Variants in ABCG1 observed in about 807,000 individuals in gnomAD.
ABCG1 encodes ATP binding cassette subfamily G member 1, also known as ATP-binding cassette sub-family G member 1.
Under a neutral mutation model 69.2 loss-of-function variants are expected in ABCG1, and 29 were observed. The ratio of observed to expected loss-of-function variants is 0.42; its 90% CI spans 0.31 to 0.57. The LOEUF is 0.57. ABCG1 is among the 20% of genes least tolerant of loss of function. ABCG1 has a pLI of 0.15. For synonymous variants in ABCG1, 370 were observed against 374.8 expected, an observed-to-expected ratio of 0.99 and a Z score of 0.15; for missense variants, 718 against 898.1, an observed-to-expected ratio of 0.80 and a Z score of 2.56.
upstream of ABCG1, chr21:42,218,997 G>C (rs2067675309): frequency 4.5e-6 from 1 of 224,642 alleles, no homozygotes; most frequent in Admixed American, 5.7e-5. Context: ...CTGCACTTCA[G>C]GGGTCCTGGT....
intron 2 of ABCG1, among the ~76,000 whole-genome samples, chr21:42,207,226 T>C (rs1447542448): frequency 1.3e-5 from 2 of 152,226 alleles, no homozygotes; most frequent in Admixed American, 1.3e-4. Context: ...TAGATCTGTA[T>C]ATACAGTCCT....
chr21:42,270,313 A>G (rs898456711), intron 2 of ABCG1, among the ~76,000 whole-genome samples: 2 of 150,694 alleles, frequency 1.3e-5, no homozygotes, highest in South Asian at 4.2e-4. Flanking sequence ...TTATCTATGC[A>G]TCCAGTTGCT....
At chr21:42,232,003 C>G (rs572596465) in intron 2 of ABCG1, among the ~76,000 whole-genome samples, 2 of 152,248 alleles carry the variant, frequency 1.3e-5, no homozygotes, top group Non-Finnish European at 2.9e-5. Context: ...ACTGGAGAAC[C>G]CTTCTCTTCC....
intron 2 of ABCG1, among the ~76,000 whole-genome samples, chr21:42,241,545 C>T (rs141370166): frequency 2.6e-5 from 4 of 151,020 alleles, no homozygotes; most frequent in East Asian, 3.9e-4. Context: ...GCAGAGGTTG[C>T]AGTGAGCTGA....
intron 1 of ABCG1, among the ~76,000 whole-genome samples, chr21:42,223,768 T>C (rs567149894): frequency 6.6e-6 from 1 of 152,270 alleles, no homozygotes; most frequent in South Asian, 2.1e-4. Context: ...AGTGAGCAGA[T>C]AGTGAGTCTA....
At position 42,271,098 on chromosome 21, in the gene ABCG1, C is replaced by A. The variant is rs191666990; in HGVS notation, c.315C>A (p.Ser105=). 6.4e-7 allele frequency: 1 copy of A among 1,560,948 alleles called. No homozygotes were observed. The highest frequency in any genetic ancestry group is 8.6e-7 in the Non-Finnish European group (1 of 1,157,806). The change falls in exon 3 of 15, where the codon TCC becomes TCA. Residue 105 remains serine (S), a synonymous_variant. Coordinates refer to ENST00000398449, the MANE Select transcript of ABCG1 (RefSeq NM_016818.3). ...ACAAGACCCTCCTGAAAGGAATTTC[C>A]GGGAAGTTCAATAGTGGTGAGTTGG... The part of the protein sequence containing the change: ...KGYKTLLKGI[S]GKFNSGELVA...
At chr21:42,216,125 G>A (rs1235412407), upstream of ABCG1, 7 of 451,148 alleles carry the variant, frequency 1.6e-5, no homozygotes, top group East Asian at 7.0e-5. Context: ...CTTGTCTGCC[G>A]CCATGTGAGA....
intron 5 of ABCG1, among the ~76,000 whole-genome samples, chr21:42,278,857 T>A (rs74931961): frequency 0.18 from 27,467 of 151,858 alleles, 2,635 homozygotes; most frequent in South Asian, 0.28. Flanking sequence ...AGGGCGACCT[T>A]CACTCTCCCT....
At chr21:42,211,215 C>T (rs1007620221), upstream of ABCG1, among the ~76,000 whole-genome samples, 3 of 152,126 alleles carry the variant, frequency 2.0e-5, no homozygotes, top group Non-Finnish European at 4.4e-5. Flanking sequence ...GCCTCGGGCT[C>T]CCAAAGTGCT....
chr21:42,287,511 AGGAGGAGTCCCTCAG>A lies in ABCG1; in HGVS notation c.974-367_974-353del, dbSNP rs1014749343. On this transcript the variant is annotated intron_variant, in intron 8 of 14. Transcript: ENST00000398449. The surrounding 1 kb of genome is among the most constrained non-coding windows in gnomAD (Gnocchi z 6.2). ...ACCCTGCCAAACCACAAGCTCCTCA[AGGAGGAGTCCCTCAG>A]GGAGGAGTCCTTCGTTCTGCTCCCT... is the stretch of plus-strand genomic sequence containing the variant. 6.6e-6 allele frequency among the ~76,000 whole-genome samples: 1 copy of A among 152,192 alleles called. No homozygotes were observed. Among genetic ancestry groups the A allele is most frequent in the African/African-American group, 2.4e-5 (1 of 41,450 alleles).
chr21:42,256,056 C>T, intron 2 of ABCG1: 1 of 948,140 alleles, frequency 1.1e-6, no homozygotes, highest in Non-Finnish European at 1.4e-6. Context: ...GAGTCAGGTG[C>T]CTTGACTTGG....
chr21:42,235,867 G>C (rs1333091777), intron 2 of ABCG1, among the ~76,000 whole-genome samples: 1 of 152,220 alleles, frequency 6.6e-6, no homozygotes, highest in Non-Finnish European at 1.5e-5. Flanking sequence ...AGTCTTTCAG[G>C]GGAAATTTTA....
At chr21:42,290,752 C>A (rs570180665) in intron 11 of ABCG1, among the ~76,000 whole-genome samples, 1 of 152,296 alleles carries the variant, frequency 6.6e-6, no homozygotes, top group South Asian at 2.1e-4. Flanking sequence ...CAGCTTGCAG[C>A]CTTGCTCACA....
chr21:42,252,973 T>C (rs1960900202), intron 2 of ABCG1, among the ~76,000 whole-genome samples: 1 of 152,148 alleles, frequency 6.6e-6, no homozygotes, highest in Admixed American at 6.5e-5. Context: ...AGCTGCCACC[T>C]ATGTGTTCTG....
chr21:42,250,773 T>C (rs766549247), intron 2 of ABCG1, among the ~76,000 whole-genome samples: 31 of 152,138 alleles, frequency 2.0e-4, no homozygotes, highest in Non-Finnish European at 3.8e-4. Flanking sequence ...GTGCTTTGTC[T>C]CTCTTGCACT....
chr21:42,231,266 G>A (rs1037484319), intron 2 of ABCG1, among the ~76,000 whole-genome samples: 3 of 152,218 alleles, frequency 2.0e-5, no homozygotes, highest in Non-Finnish European at 2.9e-5. Flanking sequence ...CGAAGTTCAG[G>A]TTGAGAACAA....
At chr21:42,259,259 C>T in intron 2 of ABCG1, 1 of 1,481,996 alleles carries the variant, frequency 6.7e-7, no homozygotes, top group South Asian at 1.4e-5. Context: ...AAAGCACAGC[C>T]TGGAGACCAG....
intron 2 of ABCG1, among the ~76,000 whole-genome samples, chr21:42,266,164 G>T (rs1753068281): frequency 6.6e-6 from 1 of 152,110 alleles, no homozygotes. Context: ...AGCCTGGCAT[G>T]GTGGTGCGCA....
chr21:42,268,810 T>C (rs2068563572), intron 2 of ABCG1, among the ~76,000 whole-genome samples: 1 of 152,062 alleles, frequency 6.6e-6, no homozygotes. Flanking sequence ...GCTCTTCCCA[T>C]GAGAGGGCCG....
Sources: allele counts gnomAD v4.1 joint callset (sites outside exome capture counted in the v4.1 genomes callset), GRCh38; gene constraint gnomAD v4.1.1; non-coding constraint Gnocchi (gnomAD v3.1); transcripts MANE v1.5; gene names NCBI Gene and HGNC (gene_info 2026-07-23, HGNC 2026-07-21).